GABRA3: variants seen among roughly 807,000 people sequenced by gnomAD.
The protein encoded by GABRA3 is gamma-aminobutyric acid receptor subunit alpha-3.
In GABRA3, 10 loss-of-function variants were observed where a neutral mutation model predicts 30.1. The ratio of observed to expected loss-of-function variants is 0.33; its 90% CI spans 0.20 to 0.56. GABRA3 has a LOEUF of 0.56. Ranked by LOEUF, GABRA3 falls within the 20% of genes least tolerant of loss-of-function variation. The pLI is 0.89. For missense variants in GABRA3, 233 were observed against 392.0 expected, an observed-to-expected ratio of 0.59 and a Z score of 3.42; for synonymous variants, 151 against 146.8, an observed-to-expected ratio of 1.03 and a Z score of -0.21.
chrX:152,181,175 G>C (rs1937141081), intron 9 of GABRA3, among the ~76,000 whole-genome samples: 1 of 111,628 alleles, frequency 9.0e-6, no homozygotes, highest in African/African-American at 3.3e-5. Flanking sequence ...TGAACAGTGG[G>C]TATCTTTCCA....
At chrX:152,327,114 C>G (rs1242794012) in intron 3 of GABRA3, among the ~76,000 whole-genome samples, 6 of 110,457 alleles carry the variant, frequency 5.4e-5, no homozygotes, top group Admixed American at 9.7e-5. Context: ...AAGGCCATTA[C>G]ATAATGATAG....
chrX:152,196,103 G>A (rs1186659878), intron 8 of GABRA3, among the ~76,000 whole-genome samples: 1 of 108,556 alleles, frequency 9.2e-6, no homozygotes, highest in African/African-American at 3.4e-5. Context: ...GAATGGTTTC[G>A]GCCGGGTGCT....
chrX:152,327,822 G>A (rs941836269), intron 3 of GABRA3, among the ~76,000 whole-genome samples: 11 of 111,626 alleles, frequency 9.9e-5, no homozygotes, highest in African/African-American at 3.6e-4. Flanking sequence ...ACATTCAAAA[G>A]CTAGCAGAAG....
intron 5 of GABRA3, among the ~76,000 whole-genome samples, chrX:152,241,122 T>C (rs1193977617): frequency 9.5e-6 from 1 of 105,155 alleles, no homozygotes; most frequent in African/African-American, 3.4e-5. Context: ...TCCCCATCTT[T>C]GTGGTTTTAT....
intron 2 of GABRA3, among the ~76,000 whole-genome samples, chrX:152,358,963 C>T (rs1940592443): frequency 1.8e-5 from 2 of 111,300 alleles, no homozygotes; most frequent in South Asian, 7.5e-4. Context: ...ATTTGGTTTG[C>T]TACATTTTAT....
At chrX:152,339,488 G>A (rs1197298653) in intron 3 of GABRA3, among the ~76,000 whole-genome samples, 1 of 111,348 alleles carries the variant, frequency 9.0e-6, no homozygotes, top group Non-Finnish European at 1.9e-5. Flanking sequence ...CAAAGTGCTG[G>A]GATCACAGAC....
Position 152,364,614 on chromosome X carries a change from T to G in GABRA3, c.-26-18A>C, listed in dbSNP as rs200503915. On this transcript the variant is annotated intron_variant, in intron 1 of 9. Transcript: ENST00000370314. ...GGAGAGACCTGTGAGATTCACAGTT[T>G]AGATAAGGGATAAGAGGTAGAGAGT... The G allele has an allele frequency of 1.1e-4, 120 of 1,127,327 alleles. No individual in the cohort carries two copies. Among genetic ancestry groups the G allele is most frequent in the Non-Finnish European group, 1.1e-4 (92 of 832,183 alleles). 92.9% of individuals were successfully genotyped at this position (1,127,327 alleles called of 1,213,427 possible). A position where few individuals can be genotyped will look rare whatever the true frequency, so the allele number is the denominator to read the frequency against.
At chrX:152,196,232 CAAA>C (rs540657110) in intron 8 of GABRA3, among the ~76,000 whole-genome samples, 2 of 72,064 alleles carry the variant, frequency 2.8e-5, no homozygotes, top group Non-Finnish European at 2.8e-5. Flanking sequence ...ACTAAAAATA[CAAA>C]AAAAAAAAAA....
rs183199592 is a variant in GABRA3, at chrX:152,188,494, C to T, written c.1143+1236G>A. Among the ~76,000 whole-genome samples the T allele has an allele frequency of 1.2e-4, 13 of 110,148 alleles. No individual in the cohort carries two copies. The East Asian group carries it at 3.5e-3, about 29-fold the overall frequency. On this transcript the variant is annotated intron_variant, in intron 9 of 9. Coordinates refer to ENST00000370314, the MANE Select transcript of GABRA3 (RefSeq NM_000808.4). The stretch of plus-strand genomic sequence containing the variant: ...ATGTACTGATTTCCTTATATTCTTC[C>T]TGGGTGGGGGGCTAACAGACCCTGT...
intron 7 of GABRA3, among the ~76,000 whole-genome samples, chrX:152,200,468 G>C (rs925881729): frequency 5.4e-5 from 6 of 111,573 alleles, no homozygotes; most frequent in African/African-American, 2.0e-4. Context: ...CAACTTTGGA[G>C]TTCCCATCTC....
At chrX:152,300,998 C>T (rs755928997) in intron 3 of GABRA3, among the ~76,000 whole-genome samples, 93 of 112,002 alleles carry the variant, frequency 8.3e-4, no homozygotes, top group African/African-American at 2.9e-3. Flanking sequence ...ATCTGATAGA[C>T]TACATCAATG....
At chrX:152,355,000 T>C (rs1603246929) in intron 2 of GABRA3, among the ~76,000 whole-genome samples, 1 of 111,912 alleles carries the variant, frequency 8.9e-6, no homozygotes, top group East Asian at 2.8e-4. Context: ...TGACAGTTTA[T>C]TCTGAGATTA....
In GABRA3 at chrX:152,216,389, AACACACACACACACACAC is replaced by A. The variant is rs60255687; in HGVS notation, c.635-8263_635-8246del. Among the ~76,000 whole-genome samples, 237 of 77,615 alleles carry A rather than the reference AACACACACACACACACAC, an allele frequency of 3.1e-3. 1 individual carries two copies. The highest frequency in any genetic ancestry group is 4.5e-3 in the Non-Finnish European group (177 of 39,576). The allele number at this position is 77,615 out of a possible 115,157, so 67.4% of individuals were successfully genotyped here. A position where few individuals can be genotyped will look rare whatever the true frequency, so the allele number is the denominator to read the frequency against. ...ATAAGAAAATGTTATATAATATATAAACACACACACACACACACACACACACACACACACACACACACA... is the reference window on the plus strand; with the variant it reads ...ATAAGAAAATGTTATATAATATATAAACACACACACACACACACACACACA... On this transcript the variant is annotated intron_variant, in intron 6 of 9. Coordinates refer to ENST00000370314, the MANE Select transcript of GABRA3 (RefSeq NM_000808.4).
intron 1 of GABRA3, among the ~76,000 whole-genome samples, chrX:152,412,506 A>T (rs1202126855): frequency 8.9e-6 from 1 of 112,247 alleles, no homozygotes. Context: ...CAACTATAAA[A>T]TGGAATATTA....
chrX:152,191,765 G>T (rs1055713484), intron 8 of GABRA3, among the ~76,000 whole-genome samples: 1 of 110,364 alleles, frequency 9.1e-6, no homozygotes, highest in Admixed American at 9.7e-5. Context: ...AAAAGACTCC[G>T]TACAATTTCA....
chrX:152,294,115 C>A (rs1304812757), intron 3 of GABRA3, among the ~76,000 whole-genome samples: 2 of 110,979 alleles, frequency 1.8e-5, no homozygotes, highest in Non-Finnish European at 3.8e-5. Flanking sequence ...TGGGGTTGCT[C>A]TTCTTGAGGA....
intron 8 of GABRA3, 40 bp downstream of exon 8, chrX:152,197,593 T>G (rs1569352780): frequency 8.7e-7 from 1 of 1,145,395 alleles, no homozygotes; most frequent in Non-Finnish European, 1.2e-6. Context: ...TGACTCTGCA[T>G]GATAAGACTT....
chrX:152,390,771 G>A (rs767590344), intron 1 of GABRA3, among the ~76,000 whole-genome samples: 2 of 110,815 alleles, frequency 1.8e-5, no homozygotes, highest in African/African-American at 6.5e-5. Flanking sequence ...CGATGATGAG[G>A]ATATTATTAA....
rs1486791589 is a variant in GABRA3 at position 152,239,104 on chromosome X, C to A, written c.552-14259G>T. Among the ~76,000 whole-genome samples, 4 of 100,776 alleles carry A rather than the reference C, an allele frequency of 4.0e-5. No individual in the cohort carries two copies. In the Admixed American group the frequency reaches 4.4e-4, roughly 11 times the overall value. The allele number at this position is 100,776 out of a possible 115,157, so 87.5% of individuals were successfully genotyped here. A position where few individuals can be genotyped will look rare whatever the true frequency, so the allele number is the denominator to read the frequency against. ...TGATGTTAGGGTGTCAATTTTGGAT[C>A]TTTCCTGCTTTCTCTTGTGGGCATT... On this transcript the variant is annotated intron_variant, in intron 5 of 9. Coordinates refer to ENST00000370314, the MANE Select transcript of GABRA3 (RefSeq NM_000808.4).
Sources: allele counts gnomAD v4.1 joint callset (sites outside exome capture counted in the v4.1 genomes callset), GRCh38; gene constraint gnomAD v4.1.1; transcripts MANE v1.5; gene names NCBI Gene and HGNC (gene_info 2026-07-23, HGNC 2026-07-21).